LUZP2: variants seen among roughly 807,000 people sequenced by gnomAD.
LUZP2 encodes the protein leucine zipper protein 2.
A neutral mutation model predicts 51.6 loss-of-function variants in LUZP2; 52 were observed. The observed-to-expected ratio is 1.01, with a 90% confidence interval of 0.81 to 1.27. LUZP2 has a LOEUF of 1.27. LUZP2 is among the 50% of genes most tolerant of loss of function. The pLI, the probability that LUZP2 is intolerant of heterozygous loss-of-function variation, is 0.00. For missense variants in LUZP2, 436 were observed against 395.4 expected (o/e 1.10, Z -0.87); for synonymous variants, 154 against 137.3 (o/e 1.12, Z -0.85).
chr11:24,834,040 T>A lies in LUZP2; in HGVS notation c.396+70732T>A, dbSNP rs1850784079. Reference sequence around the variant, plus strand: ...ACCTGTTTTATAATTACTAAAGTGTTACATTTTATTGAAAGTTGGATTTTT... The same window carrying A: ...ACCTGTTTTATAATTACTAAAGTGTAACATTTTATTGAAAGTTGGATTTTT... On this transcript the variant is annotated intron_variant, in intron 5 of 11. Coordinates refer to ENST00000336930, the MANE Select transcript of LUZP2 (RefSeq NM_001009909.4). Among the ~76,000 whole-genome samples the A allele has an allele frequency of 5.3e-5, 8 of 152,304 alleles. No homozygotes were observed. The South Asian group carries it at 1.7e-3, about 32-fold the overall frequency.
intron 5 of LUZP2, among the ~76,000 whole-genome samples, chr11:24,862,032 C>T (rs1397497635): frequency 6.6e-6 from 1 of 152,150 alleles, no homozygotes; most frequent in Non-Finnish European, 1.5e-5. Flanking sequence ...TCTGACCTTT[C>T]AGAAGGCCTG....
chr11:24,878,522 A>G (rs1428585329), intron 5 of LUZP2, among the ~76,000 whole-genome samples: 1 of 152,084 alleles, frequency 6.6e-6, no homozygotes, highest in African/African-American at 2.4e-5. Flanking sequence ...ACATTGTGAT[A>G]GTCTTCTTCG....
chr11:24,725,478 T>G (rs10834456), intron 1 of LUZP2, among the ~76,000 whole-genome samples: 54,318 of 151,814 alleles, frequency 0.36, 10,106 homozygotes, highest in Non-Finnish European at 0.41. Flanking sequence ...AATTAAAAAT[T>G]GATACATTTT....
intron 3 of LUZP2, among the ~76,000 whole-genome samples, chr11:24,735,238 C>A (rs1858889750): frequency 6.6e-6 from 1 of 151,776 alleles, no homozygotes; most frequent in African/African-American, 2.4e-5. Flanking sequence ...AAATGAGAGT[C>A]ATGTTGGCTT....
At chr11:24,979,784 T>C (rs1279826729) in intron 8 of LUZP2, among the ~76,000 whole-genome samples, 1 of 151,734 alleles carries the variant, frequency 6.6e-6, no homozygotes, top group Non-Finnish European at 1.5e-5. Flanking sequence ...ATAGTATCTG[T>C]CCCTCACACC....
intron 5 of LUZP2, among the ~76,000 whole-genome samples, chr11:24,904,090 C>T (rs1049958699): frequency 1.3e-5 from 2 of 152,130 alleles, no homozygotes; most frequent in Non-Finnish European, 2.9e-5. Context: ...ACATTCCCAG[C>T]AACTGTGCAT....
chr11:24,570,052 C>A (rs1187313367), intron 1 of LUZP2, among the ~76,000 whole-genome samples: 1 of 152,002 alleles, frequency 6.6e-6, no homozygotes, highest in Non-Finnish European at 1.5e-5. Context: ...AAGACTACTA[C>A]ACTTCTTAAC....
intron 5 of LUZP2, among the ~76,000 whole-genome samples, chr11:24,905,419 C>T (rs1853416006): frequency 6.6e-6 from 1 of 151,874 alleles, no homozygotes; most frequent in East Asian, 1.9e-4. Flanking sequence ...TCCCAGCTAC[C>T]TGAGAGGCTG....
chr11:24,537,817 C>A (rs1851226506), intron 1 of LUZP2, among the ~76,000 whole-genome samples: 1 of 151,566 alleles, frequency 6.6e-6, no homozygotes, highest in Non-Finnish European at 1.5e-5. Flanking sequence ...CAAAAACTAC[C>A]AAAAAATAGA....
chr11:24,673,949 A>G (rs1157300842), intron 1 of LUZP2, among the ~76,000 whole-genome samples: 2 of 152,214 alleles, frequency 1.3e-5, no homozygotes, highest in African/African-American at 4.8e-5. Context: ...TTGAACTTCA[A>G]ATTGATAAAT....
rs57668112 is a variant in LUZP2, at chr11:25,040,343, A to ATTTTTTTTTTTTTTT, written c.766-9689_766-9675dup. ...AGAGAGCCACTTTTCTTTCTTTCCG[A>ATTTTTTTTTTTTTTT]TTTTTTTTTTTTTTTTTTTTGCCAA... On this transcript the variant is annotated intron_variant, in intron 9 of 11. Coordinates refer to ENST00000336930, the MANE Select transcript of LUZP2 (RefSeq NM_001009909.4). Among the ~76,000 whole-genome samples the ATTTTTTTTTTTTTTT allele has an allele frequency of 2.0e-3, 201 of 98,808 alleles. 34 individuals are homozygous for ATTTTTTTTTTTTTTT. Among genetic ancestry groups the ATTTTTTTTTTTTTTT allele is most frequent in the African/African-American group, 6.2e-3 (106 of 17,192 alleles). 64.8% of individuals were successfully genotyped at this position (98,808 alleles called of 152,430 possible).
intron 6 of LUZP2, among the ~76,000 whole-genome samples, chr11:24,913,804 C>T (rs919763637): frequency 1.3e-5 from 2 of 151,744 alleles, no homozygotes; most frequent in East Asian, 3.9e-4. Flanking sequence ...AATCTGAAGT[C>T]CTTATATTTA....
chr11:25,025,555 C>G (rs1295055189), intron 9 of LUZP2, among the ~76,000 whole-genome samples: 1 of 151,836 alleles, frequency 6.6e-6, no homozygotes, highest in Non-Finnish European at 1.5e-5. Flanking sequence ...ATGCTCATCA[C>G]TGGTCATCAG....
intron 2 of LUZP2, among the ~76,000 whole-genome samples, chr11:24,730,803 A>G (rs1056225568): frequency 6.6e-6 from 1 of 151,742 alleles, no homozygotes; most frequent in African/African-American, 2.4e-5. Flanking sequence ...TGATACCAAT[A>G]TACAATTTTA....
At chr11:25,022,167 G>C (rs919213170) in intron 9 of LUZP2, among the ~76,000 whole-genome samples, 1 of 151,798 alleles carries the variant, frequency 6.6e-6, no homozygotes, top group African/African-American at 2.4e-5. Flanking sequence ...ACCCCAGAAG[G>C]GTCAGCTAAC....
chr11:24,810,612 G>GA (rs1224588562), intron 5 of LUZP2, among the ~76,000 whole-genome samples: 1 of 152,172 alleles, frequency 6.6e-6, no homozygotes, highest in Admixed American at 6.6e-5. Flanking sequence ...GGGTGAGATA[G>GA]AAGTTAAGAT....
At chr11:24,693,772 T>G (rs1159110060) in intron 1 of LUZP2, among the ~76,000 whole-genome samples, 1 of 151,938 alleles carries the variant, frequency 6.6e-6, no homozygotes, top group Non-Finnish European at 1.5e-5. Flanking sequence ...AAATGGGAGT[T>G]GATATATGAA....
At chr11:24,899,642 C>T (rs972626253) in intron 5 of LUZP2, among the ~76,000 whole-genome samples, 2 of 152,014 alleles carry the variant, frequency 1.3e-5, no homozygotes, top group Non-Finnish European at 2.9e-5. Context: ...AGAGAAAAGG[C>T]TTTAGCGTGT....
intron 4 of LUZP2, among the ~76,000 whole-genome samples, chr11:24,740,099 G>A (rs1165989711): frequency 6.6e-6 from 1 of 152,106 alleles, no homozygotes; most frequent in Non-Finnish European, 1.5e-5. Flanking sequence ...ACAAACAATG[G>A]TAGAGCAGAA....
Sources: gnomAD v4.1 joint callset for allele counts (sites outside exome capture counted in the v4.1 genomes callset) on GRCh38, gnomAD v4.1.1 for gene constraint, MANE v1.5 for transcripts, NCBI Gene and HGNC (gene_info 2026-07-23, HGNC 2026-07-21) for gene names.